The following CEMIP2 variants were observed in gnomAD, a reference collection of about 807,000 sequenced individuals.
The protein encoded by CEMIP2 is cell surface hyaluronidase CEMIP2.
CEMIP2 carries 79 observed loss-of-function variants against 146.9 expected under a neutral mutation model. The observed-to-expected ratio is 0.54, with a 90% confidence interval of 0.45 to 0.65. CEMIP2 has a LOEUF of 0.65. Among genes scored for constraint, CEMIP2 ranks in the 30% least tolerant of loss-of-function variants. CEMIP2 has a pLI of 0.00. For missense variants in CEMIP2, 1,596 were observed against 1,696.2 expected (o/e 0.94, Z 1.04); for synonymous variants, 601 against 606.3 (o/e 0.99, Z 0.13).
chr9:71,768,092 G>A (rs1280124764), intron 1 of CEMIP2, among the ~76,000 whole-genome samples: 7 of 152,206 alleles, frequency 4.6e-5, no homozygotes, highest in African/African-American at 1.4e-4. Context: ...CACCGTTCCC[G>A]AGGACCCTTT....
At chr9:71,718,147 TTAAG>T (rs1240410108) in intron 12 of CEMIP2, 68 bp from the exon 13 acceptor site, 39 of 1,397,222 alleles carry the variant, frequency 2.8e-5, no homozygotes, top group Non-Finnish European at 3.7e-5. Context: ...AGTTATAAGT[TTAAG>T]TGTCAAGAAG....
At chr9:71,739,009 T>C (rs1391620071) in intron 5 of CEMIP2, among the ~76,000 whole-genome samples, 1 of 152,184 alleles carries the variant, frequency 6.6e-6, no homozygotes, top group Non-Finnish European at 1.5e-5. Context: ...GATTATCTCC[T>C]ACTAGCACTA....
intron 1 of CEMIP2, among the ~76,000 whole-genome samples, chr9:71,753,476 G>C (rs1824319965): frequency 6.6e-6 from 1 of 152,120 alleles, no homozygotes; most frequent in African/African-American, 2.4e-5. Flanking sequence ...AATAAGCATG[G>C]TCGTGTTTTT....
chr9:71,693,864 T>C (rs1822305218), intron 21 of CEMIP2, among the ~76,000 whole-genome samples: 1 of 152,204 alleles, frequency 6.6e-6, no homozygotes, highest in Admixed American at 6.5e-5. Context: ...GGTAACAGTA[T>C]TAGCAGGTAG....
intron 2 of CEMIP2, among the ~76,000 whole-genome samples, chr9:71,748,937 A>T (rs1189442316): frequency 1.3e-5 from 2 of 152,234 alleles, no homozygotes; most frequent in African/African-American, 4.8e-5. Context: ...GGAAGCATTT[A>T]ACTTGACAAA....
At chr9:71,750,608 A>T (rs1589164610) in intron 1 of CEMIP2, among the ~76,000 whole-genome samples, 5 of 141,134 alleles carry the variant, frequency 3.5e-5, no homozygotes, top group Admixed American at 7.1e-5. Context: ...CGCCCAGCTA[A>T]TTTTTTTTTT....
chr9:71,764,293 T>C (rs548796966), intron 1 of CEMIP2, among the ~76,000 whole-genome samples: 75 of 152,242 alleles, frequency 4.9e-4, no homozygotes, highest in African/African-American at 1.7e-3. Flanking sequence ...TGAAAAAATA[T>C]ACATAGTGTC....
At chr9:71,714,884 T>C in intron 15 of CEMIP2, 50 bp downstream of exon 15, 1 of 1,580,600 alleles carries the variant, frequency 6.3e-7, no homozygotes, top group Non-Finnish European at 8.6e-7. Context: ...GAGGGTTAGG[T>C]TTTCCTTTAT....
intron 10 of CEMIP2, among the ~76,000 whole-genome samples, chr9:71,728,261 G>A (rs1315612897): frequency 2.8e-3 from 14 of 5,010 alleles, no homozygotes; most frequent in African/African-American, 4.8e-3. Context: ...GTATATACAC[G>A]TATATATATA....
At position 71,756,335 on chromosome 9, in the gene CEMIP2, GTA is replaced by G. The variant is rs1307219484; in HGVS notation, c.-12-5952_-12-5951del. The stretch of plus-strand genomic sequence containing the variant: ...TATATGTGCGTGTGTATGTGTGTGT[GTA>G]TATATATATGTATATACATACATGT... On this transcript the variant is annotated intron_variant, in intron 1 of 23. Transcript: ENST00000377044. Among the ~76,000 whole-genome samples the G allele has an allele frequency of 5.6e-4, 83 of 147,564 alleles. 2 individuals carry two copies. Among genetic ancestry groups the G allele is most frequent in the African/African-American group, 1.8e-3 (74 of 40,580 alleles).
chr9:71,728,193 TTCTCTCTCTCTCTC>T lies in CEMIP2; in HGVS notation c.2049+1638_2049+1651del, dbSNP rs369654117. Among the ~76,000 whole-genome samples, 281 of 29,568 alleles carry T rather than the reference TTCTCTCTCTCTCTC, an allele frequency of 9.5e-3. 18 individuals carry two copies. The highest frequency in any genetic ancestry group is 0.019 in the Middle Eastern group (1 of 54). 19.4% of individuals were successfully genotyped at this position (29,568 alleles called of 152,430 possible). A position where few individuals can be genotyped will look rare whatever the true frequency, so the allele number is the denominator to read the frequency against. On this transcript the variant is annotated intron_variant, in intron 10 of 23. Transcript: ENST00000377044. ...TCTGTCTGGTCAACACAGCGAAACC[TTCTCTCTCTCTCTC>T]TCTCTCTCTCTCTCTCTCTCTCTCT...
chr9:71,696,375 T>G (rs113363837), intron 20 of CEMIP2, among the ~76,000 whole-genome samples: 2,175 of 152,130 alleles, frequency 0.014, 60 homozygotes, highest in African/African-American at 0.048. Flanking sequence ...TTTGTTGTTG[T>G]TGGTTTCTCT....
In CEMIP2 at chr9:71,765,103, TGAAAA is replaced by T. The variant is rs201809309; in HGVS notation, c.-13+3249_-13+3253del. ...ACTAATGCTCACAATCCAAGAGAAA[TGAAAA>T]GATTTCCTGTGGCTGGGATGGGAAG... is the stretch of plus-strand genomic sequence containing the variant. On this transcript the variant is annotated intron_variant, in intron 1 of 23. Transcript: ENST00000377044. Among the ~76,000 whole-genome samples, 74 of 152,140 alleles carry T rather than the reference TGAAAA, an allele frequency of 4.9e-4. No individual in the cohort carries two copies. In the East Asian group the frequency reaches 0.013, roughly 27 times the overall value.
chr9:71,722,439 T>G lies in CEMIP2; in HGVS notation c.2255A>C (p.Asp752Ala), dbSNP rs779080929. 6.2e-7 allele frequency: 1 copy of G among 1,613,234 alleles called. No homozygotes were observed. The highest frequency in any genetic ancestry group is 1.1e-5 in the South Asian group (1 of 90,872). Reference protein sequence around the residue: ...AADPREYLCLDNSARFRPHQD... With the variant: ...AADPREYLCLANSARFRPHQD... ...GAGCCAGCTTTACCTTGCACTATTG[T>G]CCAAACAGAGGTATTCCCTTGGGTC... The change falls in exon 12 of 24, where the codon GAC (aspartate) becomes GCC (alanine). Residue 752 changes from aspartate to alanine, a missense_variant. Transcript: ENST00000377044.
At chr9:71,689,965 T>G in intron 22 of CEMIP2, 127 bp downstream of exon 22, 1 of 1,171,524 alleles carries the variant, frequency 8.5e-7, no homozygotes, top group Middle Eastern at 2.1e-4. Context: ...AGGAGAGGAA[T>G]GAACACCTTG....
chr9:71,697,957 C>A (rs757173389), intron 20 of CEMIP2, 28 bp downstream of exon 20: 16 of 1,601,602 alleles, frequency 1.0e-5, no homozygotes, highest in Non-Finnish European at 1.7e-6. Flanking sequence ...TTCTCCTTGG[C>A]CACAGACCAC....
rs74698760 is a variant in CEMIP2, at chr9:71,752,122, C to T, written c.-12-1737G>A. 6.1e-4 allele frequency among the ~76,000 whole-genome samples: 93 copies of T among 151,946 alleles called. No homozygotes were observed. In the East Asian group the frequency reaches 0.016, roughly 26 times the overall value. On this transcript the variant is annotated intron_variant, in intron 1 of 23. Coordinates refer to ENST00000377044, the MANE Select transcript of CEMIP2 (RefSeq NM_013390.3). ...AGGCCCAGGGAGGTTAATTAACTTC[C>T]CCAAAGATCACACAGTTAATATAGA...
rs575670725 is a variant in CEMIP2, at chr9:71,720,574, G to C, written c.2267+1853C>G. 1.1e-4 allele frequency among the ~76,000 whole-genome samples: 17 copies of C among 152,346 alleles called. No individual in the cohort carries two copies. The East Asian group carries it at 3.3e-3, about 29-fold the overall frequency. ...CCCAAAGTGCTGGGATTACAAGCCT[G>C]AGCCATCACGCCCGGCCCTGATTAA... is the stretch of plus-strand genomic sequence containing the variant. On this transcript the variant is annotated intron_variant, in intron 12 of 23. Coordinates refer to ENST00000377044, the MANE Select transcript of CEMIP2 (RefSeq NM_013390.3).
intron 19 of CEMIP2, among the ~76,000 whole-genome samples, chr9:71,700,112 A>G (rs1317359110): frequency 1.3e-5 from 2 of 152,206 alleles, no homozygotes; most frequent in Admixed American, 6.5e-5. Context: ...AGGCTGAGAG[A>G]CTGTAACTGG....
Sources: gnomAD v4.1 joint callset for allele counts (sites outside exome capture counted in the v4.1 genomes callset) on GRCh38, gnomAD v4.1.1 for gene constraint, MANE v1.5 for transcripts, NCBI Gene and HGNC (gene_info 2026-07-23, HGNC 2026-07-21) for gene names.